The following NLGN4X variants were observed in gnomAD, a reference collection of about 807,000 sequenced individuals.
NLGN4X encodes neuroligin-4, X-linked.
A neutral mutation model predicts 40.3 loss-of-function variants in NLGN4X; 3 were observed. That is an observed-to-expected ratio of 0.07 (90% CI 0.03 to 0.19). NLGN4X has a LOEUF of 0.19. Among genes scored for constraint, NLGN4X ranks in the 10% least tolerant of loss-of-function variants. The pLI is 1.00. For synonymous variants in NLGN4X, 270 were observed against 306.8 expected, an observed-to-expected ratio of 0.88 and a Z score of 1.25; for missense variants, 382 against 708.3, an observed-to-expected ratio of 0.54 and a Z score of 5.23.
intron 3 of NLGN4X, among the ~76,000 whole-genome samples, chrX:5,953,741 C>T (rs368335748): frequency 8.9e-6 from 1 of 112,162 alleles, no homozygotes; most frequent in Non-Finnish European, 1.9e-5. Context: ...CTGTAATATG[C>T]TCTTCTTTTT....
intron 3 of NLGN4X, among the ~76,000 whole-genome samples, chrX:5,975,257 T>A (rs1321647768): frequency 1.8e-5 from 2 of 111,716 alleles, no homozygotes; most frequent in Non-Finnish European, 3.8e-5. Context: ...TATGCACTTG[T>A]TTAGGAAGTC....
At chrX:6,074,007 TTTGTCTTTGTTCTTTAATGCCCAG>T (rs1220687209) in intron 2 of NLGN4X, among the ~76,000 whole-genome samples, 2 of 110,066 alleles carry the variant, frequency 1.8e-5, no homozygotes, top group Non-Finnish European at 3.8e-5. Flanking sequence ...CACAGGGACA[TTTGTCTTTGTTCTTTAATGCCCAG>T]TAAGGGTCTT....
chrX:5,995,390 A>G (rs773056859), intron 3 of NLGN4X, among the ~76,000 whole-genome samples: 2 of 112,570 alleles, frequency 1.8e-5, no homozygotes, highest in Non-Finnish European at 3.7e-5. Context: ...TTTCTGACTT[A>G]TTCCTGACCT....
chrX:6,178,614 T>C (rs771145997), intron 1 of NLGN4X, among the ~76,000 whole-genome samples: 1 of 112,249 alleles, frequency 8.9e-6, no homozygotes, highest in African/African-American at 3.2e-5. Context: ...AGTTTCCAAA[T>C]TCTAAAGAAA....
chrX:6,031,930 T>G, intron 2 of NLGN4X, among the ~76,000 whole-genome samples: 1 of 111,110 alleles, frequency 9.0e-6, no homozygotes, highest in East Asian at 2.8e-4. Context: ...TTTGGTAGCC[T>G]TAAGAAGAAA....
intron 2 of NLGN4X, among the ~76,000 whole-genome samples, chrX:6,117,870 T>C (rs374937068): frequency 1.8e-5 from 2 of 111,821 alleles, no homozygotes; most frequent in East Asian, 5.6e-4. Flanking sequence ...AGTTCAGGCA[T>C]GGCCTCCAGC....
At chrX:5,922,366 A>G (rs2033104334) in intron 3 of NLGN4X, among the ~76,000 whole-genome samples, 1 of 111,722 alleles carries the variant, frequency 9.0e-6, no homozygotes, top group Non-Finnish European at 1.9e-5. Context: ...CCCAACACAA[A>G]GAAATGATAA....
At chrX:6,202,120 G>C (rs2147858437) in intron 1 of NLGN4X, among the ~76,000 whole-genome samples, 1 of 110,356 alleles carries the variant, frequency 9.1e-6, no homozygotes, top group South Asian at 4.0e-4. Flanking sequence ...AGGGCCTATA[G>C]AGAAACTCCA....
chrX:6,030,584 G>A (rs1366459849), intron 2 of NLGN4X, among the ~76,000 whole-genome samples: 2 of 110,206 alleles, frequency 1.8e-5, no homozygotes, highest in Non-Finnish European at 3.8e-5. Flanking sequence ...TCGTTTGGAT[G>A]GTGGCTCCAA....
intron 3 of NLGN4X, among the ~76,000 whole-genome samples, chrX:5,931,411 A>C (rs754774303): frequency 8.9e-6 from 1 of 112,155 alleles, no homozygotes; most frequent in Non-Finnish European, 1.9e-5. Flanking sequence ...ACAAGTAATG[A>C]AATAAGTATA....
chrX:6,207,899 G>A (rs1924173402), intron 1 of NLGN4X, among the ~76,000 whole-genome samples: 3 of 111,703 alleles, frequency 2.7e-5, no homozygotes, highest in African/African-American at 6.5e-5. Context: ...CTTTGGGGTT[G>A]GCGACATTAA....
At chrX:5,895,580 G>GTA (rs1286005081) in intron 5 of NLGN4X, among the ~76,000 whole-genome samples, 4 of 110,782 alleles carry the variant, frequency 3.6e-5, no homozygotes, top group Non-Finnish European at 5.7e-5. Flanking sequence ...ACTATATGCA[G>GTA]TATATATATG....
In NLGN4X at chrX:6,026,063, C is replaced by G. The variant is rs966698928; in HGVS notation, c.625+3217G>C. 3.6e-5 allele frequency among the ~76,000 whole-genome samples: 4 copies of G among 110,875 alleles called. No individual in the cohort carries two copies. The Admixed American group carries it at 3.8e-4, about 11-fold the overall frequency. On this transcript the variant is annotated intron_variant, in intron 3 of 5. Transcript: ENST00000381095. ...TGCCTTCTACATCTAAGGAAAGAGT[C>G]TGAGGAAACGCTAGCTGACTTTCTC...
At chrX:5,952,666 T>C (rs1379161080) in intron 3 of NLGN4X, among the ~76,000 whole-genome samples, 1 of 111,341 alleles carries the variant, frequency 9.0e-6, no homozygotes, top group East Asian at 2.8e-4. Context: ...ATTTATTAAA[T>C]TGATCTATTT....
At chrX:6,092,477 G>C (rs189214610) in intron 2 of NLGN4X, among the ~76,000 whole-genome samples, 305 of 112,153 alleles carry the variant, frequency 2.7e-3, no homozygotes, top group African/African-American at 9.4e-3. Context: ...CTATCAGAAG[G>C]AAAGCGAACC....
chrX:6,128,207 A>G (rs997381405), intron 2 of NLGN4X, among the ~76,000 whole-genome samples: 6 of 111,469 alleles, frequency 5.4e-5, no homozygotes. Flanking sequence ...GGGCCCTACG[A>G]AGGCTGGGAC....
At chrX:6,129,740 G>C (rs143884592) in intron 2 of NLGN4X, among the ~76,000 whole-genome samples, 262 of 110,524 alleles carry the variant, frequency 2.4e-3, no homozygotes, top group African/African-American at 7.6e-3. Context: ...GGGAATTGAA[G>C]AAGCCAAAGC....
chrX:6,097,246 T>A (rs1439328015), intron 2 of NLGN4X, among the ~76,000 whole-genome samples: 1 of 104,541 alleles, frequency 9.6e-6, no homozygotes, highest in African/African-American at 3.8e-5. Context: ...CTTTTTTTTT[T>A]TTTTCCTTAT....
chrX:5,929,106 C>T (rs1436403267), intron 3 of NLGN4X, among the ~76,000 whole-genome samples: 2 of 111,495 alleles, frequency 1.8e-5, no homozygotes, highest in Non-Finnish European at 3.8e-5. Context: ...AAAAAATCTA[C>T]ATAAGATTTA....
Sources: allele counts gnomAD v4.1 joint callset (sites outside exome capture counted in the v4.1 genomes callset), GRCh38; gene constraint gnomAD v4.1.1; transcripts MANE v1.5; gene names NCBI Gene and HGNC (gene_info 2026-07-23, HGNC 2026-07-21).